PES1: variants seen among roughly 807,000 people sequenced by gnomAD.
PES1 encodes pescadillo ribosomal biogenesis factor 1.
A neutral mutation model predicts 77.1 loss-of-function variants in PES1; 31 were observed. That is an observed-to-expected ratio of 0.40 (90% CI 0.30 to 0.54). The LOEUF (loss-of-function observed/expected upper bound fraction) is 0.54, where lower values mean the gene tolerates loss of function less well. PES1 is among the 20% of genes least tolerant of loss of function. The probability of loss-of-function intolerance (pLI) is 0.45; values close to 1 mark genes in which losing one functional copy is unlikely to be tolerated. For missense variants in PES1, 658 were observed against 771.7 expected (o/e 0.85, Z 1.75); for synonymous variants, 282 against 303.0 (o/e 0.93, Z 0.72).
rs760602513 is a variant in PES1, at chr22:30,584,342, C to A, written c.630+23G>T. On this transcript the variant is annotated intron_variant, in intron 6 of 14. Transcript: ENST00000354694. ...TGTCTAGGAGGCAGCACAAGCCCGT[C>A]CCCTCCCGACAGGCACACTCACGTC... 5 of 1,568,576 alleles carry A rather than the reference C, an allele frequency of 3.2e-6. No homozygotes were observed. In the South Asian group the frequency reaches 4.6e-5, roughly 14 times the overall value.
intron 6 of PES1, among the ~76,000 whole-genome samples, chr22:30,583,854 G>A (rs1602011693): frequency 2.6e-5 from 4 of 152,378 alleles, no homozygotes; most frequent in South Asian, 4.1e-4. Context: ...CCCAGTCCCC[G>A]AGTCCTGTGG....
intron 1 of PES1, chr22:30,606,764 G>A (rs1602038060): frequency 3.6e-6 from 3 of 823,348 alleles, no homozygotes; most frequent in Non-Finnish European, 4.4e-6. Flanking sequence ...CCACAACTGA[G>A]GGAGGCGGTG....
intron 14 of PES1, 49 bp from the exon 15 acceptor site, chr22:30,577,178 G>A (rs2086913542): frequency 1.4e-6 from 2 of 1,467,544 alleles, no homozygotes; most frequent in African/African-American, 2.8e-5. Context: ...TAGAAGGGAG[G>A]GTGGGGGGCA....
rs768022402 is a variant in PES1, at chr22:30,581,358, C to T, written c.798G>A (p.Ala266=). ...AEAKAGEGTY[A]LDSESCMEKL... ...CCTCCATACAACTCTCGGAGTCCAA[C>T]GCGTAGGTGCCCTCACCGGCCTTTG... The change falls in exon 8 of 15, where the codon GCG becomes GCA. Residue 266 remains alanine, a synonymous_variant. Transcript: ENST00000354694. 13 of 1,613,862 alleles carry T rather than the reference C, an allele frequency of 8.1e-6. No individual in the cohort carries two copies. The highest frequency in any genetic ancestry group is 2.2e-5 in the East Asian group (1 of 44,880).
intron 1 of PES1, among the ~76,000 whole-genome samples, chr22:30,606,419 T>G (rs2087444450): frequency 6.6e-6 from 1 of 151,912 alleles, no homozygotes; most frequent in Non-Finnish European, 1.5e-5. Context: ...TTGTATGTGT[T>G]TTTTGTGTTT....
chr22:30,581,954 C>A (rs1390786913), intron 6 of PES1, among the ~76,000 whole-genome samples: 2 of 152,184 alleles, frequency 1.3e-5, no homozygotes, highest in Non-Finnish European at 2.9e-5. Flanking sequence ...CCTGCTGCTC[C>A]GAAGACTGGC....
At chr22:30,586,343 G>C (rs1159141091) in intron 4 of PES1, among the ~76,000 whole-genome samples, 4 of 152,146 alleles carry the variant, frequency 2.6e-5, no homozygotes, top group Non-Finnish European at 5.9e-5. Flanking sequence ...CAGCTGTCTA[G>C]CTCCTAGGCC....
intron 2 of PES1, 150 bp from the exon 3 acceptor site, chr22:30,588,324 A>G (rs2087124019): frequency 1.2e-6 from 1 of 849,652 alleles, no homozygotes; most frequent in African/African-American, 1.7e-5. Context: ...TCTGACAGTC[A>G]CAATCATAAA....
intron 2 of PES1, among the ~76,000 whole-genome samples, chr22:30,598,539 G>A (rs1033496842): frequency 2.0e-5 from 3 of 152,094 alleles, no homozygotes; most frequent in Non-Finnish European, 2.9e-5. Context: ...GGTGATTCTC[G>A]TGCCTCAGGT....
At chr22:30,579,577 T>C in intron 12 of PES1, 174 bp downstream of exon 12, 1 of 706,122 alleles carries the variant, frequency 1.4e-6, no homozygotes, top group Non-Finnish European at 2.4e-6. Flanking sequence ...GAACGTCAAA[T>C]AACACCTGAC....
chr22:30,581,020 T>C lies in PES1; in HGVS notation c.904A>G (p.Thr302Ala). Residue 302 changes from threonine to alanine, a missense_variant, in exon 9 of 15, where the codon ACC becomes GCC. Thr to Ala is a moderately conservative substitution (Grantham distance 58, BLOSUM62 0). Coordinates refer to ENST00000354694, the MANE Select transcript of PES1 (RefSeq NM_014303.4). ...GGCAGTGCAGTGCTCACCCCATCGG[T>C]GGGAAACTCATCCACCTCGGCCTCC... ...EEEAEVDEFP[T>A]DGEMSAQEED... is the part of the protein sequence containing the mutation. 6.2e-7 allele frequency: 1 copy of C among 1,612,386 alleles called. No homozygotes were observed. Among genetic ancestry groups the C allele is most frequent in the Non-Finnish European group, 8.5e-7 (1 of 1,179,448 alleles).
chr22:30,585,758 C>G (rs1195511158), intron 4 of PES1, among the ~76,000 whole-genome samples: 1 of 151,686 alleles, frequency 6.6e-6, no homozygotes, highest in African/African-American at 2.4e-5. Flanking sequence ...ATGGGTTCTG[C>G]TATTTCAAAA....
At chr22:30,591,263 T>G (rs1300666851) in intron 1 of PES1, among the ~76,000 whole-genome samples, 1 of 152,202 alleles carries the variant, frequency 6.6e-6, no homozygotes, top group Admixed American at 6.5e-5. Flanking sequence ...TTGGTTTACA[T>G]GCGAGTCATC....
At chr22:30,583,384 C>G (rs1269687169) in intron 6 of PES1, among the ~76,000 whole-genome samples, 1 of 152,250 alleles carries the variant, frequency 6.6e-6, no homozygotes, top group East Asian at 1.9e-4. Context: ...AGAGTCCCAG[C>G]TCCCCCTGGA....
intron 1 of PES1, among the ~76,000 whole-genome samples, chr22:30,590,078 C>T (rs1161053395): frequency 6.6e-6 from 1 of 152,116 alleles, no homozygotes; most frequent in Non-Finnish European, 1.5e-5. Context: ...ATTCAACAGA[C>T]AATAACAGGT....
intron 2 of PES1, chr22:30,603,686 A>C (rs1296511529): frequency 6.6e-6 from 1 of 152,166 alleles, no homozygotes; most frequent in Non-Finnish European, 1.5e-5. Flanking sequence ...CTGGCCTTAA[A>C]ATATGATTTT....
chr22:30,596,743 G>T (rs555218659), upstream of PES1, among the ~76,000 whole-genome samples: 1 of 152,198 alleles, frequency 6.6e-6, no homozygotes, highest in Non-Finnish European at 1.5e-5. Flanking sequence ...CCTCGGCCTC[G>T]GCGCCCATTC....
chr22:30,603,886 T>C (rs1360840603), intron 2 of PES1: 8 of 152,172 alleles, frequency 5.3e-5, no homozygotes, highest in Non-Finnish European at 1.0e-4. Flanking sequence ...TGTTGACTTA[T>C]TCCAATGAGG....
At chr22:30,604,418 A>AG (rs2145522704) in intron 2 of PES1, among the ~76,000 whole-genome samples, 1 of 152,276 alleles carries the variant, frequency 6.6e-6, no homozygotes, top group South Asian at 2.1e-4. Context: ...AGATCACTTG[A>AG]GGTCAGGAGT....
Sources: gnomAD v4.1 joint callset for allele counts (sites outside exome capture counted in the v4.1 genomes callset) on GRCh38, gnomAD v4.1.1 for gene constraint, MANE v1.5 for transcripts, NCBI Gene and HGNC (gene_info 2026-07-23, HGNC 2026-07-21) for gene names.